Variants in ATE1 observed in about 807,000 individuals in gnomAD.
ATE1 encodes the protein arginyltransferase 1, also known as arginyl-tRNA--protein transferase 1.
Under a neutral mutation model 70.5 loss-of-function variants are expected in ATE1, and 36 were observed. The ratio of observed to expected loss-of-function variants is 0.51; its 90% CI spans 0.39 to 0.67. The LOEUF is 0.67. Ranked by LOEUF, ATE1 falls within the 30% of genes least tolerant of loss-of-function variation. ATE1 has a pLI of 0.00. For synonymous variants in ATE1, 232 were observed against 219.3 expected, an observed-to-expected ratio of 1.06 and a Z score of -0.51; for missense variants, 593 against 629.5, an observed-to-expected ratio of 0.94 and a Z score of 0.62.
At chr10:121,882,848 C>T (rs558755048) in intron 7 of ATE1, among the ~76,000 whole-genome samples, 2 of 152,088 alleles carry the variant, frequency 1.3e-5, no homozygotes, top group Non-Finnish European at 2.9e-5. Context: ...TGGTCTTAAT[C>T]CTCAACTTTC....
chr10:121,859,576 T>C (rs780412242), intron 8 of ATE1, among the ~76,000 whole-genome samples: 9 of 152,194 alleles, frequency 5.9e-5, no homozygotes, highest in Non-Finnish European at 1.3e-4. Context: ...ATGTAATTAA[T>C]ATGATGGTTC....
chr10:121,890,455 AAAAC>A (rs1242409361), intron 7 of ATE1, among the ~76,000 whole-genome samples: 2 of 152,230 alleles, frequency 1.3e-5, no homozygotes, highest in East Asian at 3.8e-4. Flanking sequence ...AAAGCAAAGA[AAAAC>A]TAACAACTGT....
intron 8 of ATE1, among the ~76,000 whole-genome samples, chr10:121,845,478 T>C (rs2133821743): frequency 6.6e-6 from 1 of 152,268 alleles, no homozygotes; most frequent in Non-Finnish European, 1.5e-5. Context: ...TCTAACTATA[T>C]TACAAATGTA....
intron 3 of ATE1, among the ~76,000 whole-genome samples, chr10:121,915,916 C>CA (rs1405990860): frequency 0.015 from 2,119 of 141,582 alleles, 41 homozygotes; most frequent in African/African-American, 0.053. Flanking sequence ...CAAAACAAAA[C>CA]AAAAAAAAAC....
chr10:121,859,376 C>T (rs959875357), intron 8 of ATE1, among the ~76,000 whole-genome samples: 1 of 151,238 alleles, frequency 6.6e-6, no homozygotes, highest in Non-Finnish European at 1.5e-5. Flanking sequence ...CCTGCCTCAG[C>T]CTCCCAAGTA....
At chr10:121,808,050 T>C (rs574665397) in intron 10 of ATE1, among the ~76,000 whole-genome samples, 15 of 151,996 alleles carry the variant, frequency 9.9e-5, no homozygotes, top group East Asian at 3.9e-4. Context: ...CAGGAGACAA[T>C]TGGGGGCTCA....
chr10:121,799,676 T>C (rs1946800625), intron 10 of ATE1, among the ~76,000 whole-genome samples: 1 of 152,220 alleles, frequency 6.6e-6, no homozygotes, highest in African/African-American at 2.4e-5. Context: ...AAAGAGTAAC[T>C]CCATCTTCTC....
At chr10:121,794,689 T>C (rs1336208740) in intron 10 of ATE1, among the ~76,000 whole-genome samples, 1 of 108,806 alleles carries the variant, frequency 9.2e-6, no homozygotes, top group Non-Finnish European at 1.9e-5. Context: ...AAAGAACATA[T>C]GTATCATCTC....
At chr10:121,795,103 C>T (rs1349693777) in intron 10 of ATE1, among the ~76,000 whole-genome samples, 2 of 152,068 alleles carry the variant, frequency 1.3e-5, no homozygotes, top group Non-Finnish European at 1.5e-5. Flanking sequence ...TAAAAGTTAG[C>T]CGGGCATGGT....
intron 10 of ATE1, among the ~76,000 whole-genome samples, chr10:121,796,234 G>A (rs1232345004): frequency 6.6e-6 from 1 of 152,088 alleles, no homozygotes; most frequent in Non-Finnish European, 1.5e-5. Flanking sequence ...TATTTCAAGA[G>A]GGAAGGCTAC....
chr10:121,814,946 C>T (rs1173113122), intron 10 of ATE1, among the ~76,000 whole-genome samples: 1 of 152,200 alleles, frequency 6.6e-6, no homozygotes, highest in Non-Finnish European at 1.5e-5. Flanking sequence ...CAACAGGGTG[C>T]TCTTCGTACT....
chr10:121,919,261 G>A (rs542174987), intron 3 of ATE1, among the ~76,000 whole-genome samples: 29 of 152,246 alleles, frequency 1.9e-4, no homozygotes, highest in Middle Eastern at 3.4e-3. Flanking sequence ...CATTCTTGAA[G>A]TGAGCGAGAC....
intron 10 of ATE1, among the ~76,000 whole-genome samples, chr10:121,815,124 C>T (rs1947483974): frequency 6.6e-6 from 1 of 152,174 alleles, no homozygotes; most frequent in African/African-American, 2.4e-5. Flanking sequence ...AAGCAAGCAT[C>T]ACATCTTGGG....
chr10:121,900,584 C>G (rs565503523), intron 6 of ATE1, among the ~76,000 whole-genome samples: 1 of 152,138 alleles, frequency 6.6e-6, no homozygotes, highest in African/African-American at 2.4e-5. Flanking sequence ...AGTAATTGCA[C>G]GCAGTAATGG....
chr10:121,817,280 C>T (rs1418061947), intron 10 of ATE1, among the ~76,000 whole-genome samples: 3 of 152,342 alleles, frequency 2.0e-5, no homozygotes, highest in Admixed American at 6.5e-5. Context: ...GCGGCTCACG[C>T]CTGTAATCCC....
At chr10:121,890,368 T>C (rs769948508) in intron 7 of ATE1, among the ~76,000 whole-genome samples, 102 of 152,316 alleles carry the variant, frequency 6.7e-4, no homozygotes, top group African/African-American at 1.9e-3. Flanking sequence ...TGTTTGAACA[T>C]GTATGCTAAA....
chr10:121,805,329 T>A (rs1947053618), intron 10 of ATE1, among the ~76,000 whole-genome samples: 1 of 152,226 alleles, frequency 6.6e-6, no homozygotes, highest in Non-Finnish European at 1.5e-5. Context: ...AATATATAAT[T>A]AAGTCAATTT....
intron 7 of ATE1, among the ~76,000 whole-genome samples, chr10:121,871,658 C>A (rs540572563): frequency 4.0e-5 from 6 of 151,788 alleles, no homozygotes; most frequent in African/African-American, 1.2e-4. Flanking sequence ...CATACCAAAG[C>A]CATTCAATTA....
intron 10 of ATE1, among the ~76,000 whole-genome samples, chr10:121,816,967 C>T (rs186653813): frequency 6.6e-6 from 1 of 152,318 alleles, no homozygotes; most frequent in East Asian, 1.9e-4. Context: ...AGTGCCAATG[C>T]AAGGGTATTT....
Sources: allele counts gnomAD v4.1 joint callset (sites outside exome capture counted in the v4.1 genomes callset), GRCh38; gene constraint gnomAD v4.1.1; transcripts MANE v1.5; gene names NCBI Gene and HGNC (gene_info 2026-07-23, HGNC 2026-07-21).